CFAP44: variants seen among roughly 807,000 people sequenced by gnomAD.
CFAP44 encodes cilia- and flagella-associated protein 44.
A neutral mutation model predicts 216.2 loss-of-function variants in CFAP44; 134 were observed. The observed-to-expected ratio is 0.62, with a 90% CI of 0.54 to 0.72. The LOEUF (loss-of-function observed/expected upper bound fraction) is 0.72. Ranked by LOEUF, CFAP44 falls within the 30% of genes least tolerant of loss-of-function variation. The pLI, the probability that CFAP44 is intolerant of heterozygous loss-of-function variation, is 0.00. For synonymous variants in CFAP44, 700 were observed against 727.6 expected, an observed-to-expected ratio of 0.96 and a Z score of 0.61; for missense variants, 2,035 against 2,182.1, an observed-to-expected ratio of 0.93 and a Z score of 1.34.
intron 1 of CFAP44, among the ~76,000 whole-genome samples, chr3:113,438,581 G>GA (rs776124894): frequency 6.2e-4 from 95 of 152,292 alleles, no homozygotes; most frequent in South Asian, 1.9e-3. Context: ...ATATATTCCT[G>GA]AATAGATGAA....
chr3:113,294,758 A>G lies in CFAP44; in HGVS notation c.5302T>C (p.Tyr1768His), dbSNP rs1436716282. Residue 1768 changes from tyrosine to histidine, a missense_variant, in exon 34 of 35, where the codon TAT (tyrosine) becomes CAT (histidine). Transcript: ENST00000393845. Reference sequence around the variant, plus strand: ...TCAATACACAAATCATTCATCTGATAAAGCTTTCTGGTGTGTTCTTTTGTC... The same window carrying G: ...TCAATACACAAATCATTCATCTGATGAAGCTTTCTGGTGTGTTCTTTTGTC... Reference protein sequence around the residue: ...MKTKEHTRKLYQMNDLCIEKK... With the variant: ...MKTKEHTRKLHQMNDLCIEKK... 1.1e-5 allele frequency: 17 copies of G among 1,536,500 alleles called. No homozygotes were observed. Among genetic ancestry groups the G allele is most frequent in the Non-Finnish European group, 1.4e-5 (16 of 1,146,560 alleles).
chr3:113,371,094 T>C (rs548936980), intron 18 of CFAP44, among the ~76,000 whole-genome samples: 5 of 152,288 alleles, frequency 3.3e-5, no homozygotes, highest in African/African-American at 1.2e-4. Flanking sequence ...CACAAACAAA[T>C]GGAAGAACAT....
At chr3:113,390,307 C>T (rs918332517) in intron 15 of CFAP44, among the ~76,000 whole-genome samples, 9 of 152,054 alleles carry the variant, frequency 5.9e-5, no homozygotes, top group South Asian at 4.2e-4. Flanking sequence ...CCCATCATGA[C>T]AAAAATTCTC....
rs543655174 is a variant in CFAP44 at position 113,427,559 on chromosome 3, T to C, written c.101-220A>G. The C allele has an allele frequency of 2.3e-5, 10 of 443,860 alleles. 1 individual carries two copies. In the South Asian group the frequency reaches 3.6e-4, roughly 16 times the overall value. The allele number at this position is 443,860 out of a possible 1,614,324, so 27.5% of individuals were successfully genotyped here. On this transcript the variant is annotated intron_variant, in intron 2 of 34. Coordinates refer to ENST00000393845, the MANE Select transcript of CFAP44 (RefSeq NM_001164496.2). ...CTCCATTTTCACTTCATTTTCAGTC[T>C]ATTTCCTATCATTAAATACTTACAA...
In CFAP44 at chr3:113,287,282, TG is replaced by T. The variant is rs1949771656; in HGVS notation, c.*4274del. 1 of 312,354 alleles carries T rather than the reference TG, an allele frequency of 3.2e-6. No individual in the cohort carries two copies. The highest frequency in any genetic ancestry group is 4.5e-5 in the Admixed American group (1 of 22,332). 19.3% of individuals were successfully genotyped at this position (312,354 alleles called of 1,614,324 possible). On this transcript the variant is annotated 3_prime_UTR_variant, in exon 35 of 35. Coordinates refer to ENST00000393845, the MANE Select transcript of CFAP44 (RefSeq NM_001164496.2). The stretch of plus-strand genomic sequence containing the variant: ...GCCTGGAGACACCCACACAGATGGC[TG>T]GATCCGGTGCTACGGGAAACATTTT...
At chr3:113,292,488 G>A (rs575584554) in intron 34 of CFAP44, among the ~76,000 whole-genome samples, 1 of 152,316 alleles carries the variant, frequency 6.6e-6, no homozygotes, top group Admixed American at 6.5e-5. Flanking sequence ...ACATTTGAAT[G>A]CATGAATACA....
At chr3:113,330,102 C>A in intron 26 of CFAP44, 66 bp downstream of exon 26, 3 of 1,440,792 alleles carry the variant, frequency 2.1e-6, no homozygotes, top group South Asian at 3.1e-5. Context: ...AAACAAAAAA[C>A]CCGACCCAAT....
chr3:113,366,086 C>G lies in CFAP44; in HGVS notation c.2668G>C (p.Glu890Gln), dbSNP rs948958329. 6.2e-7 allele frequency: 1 copy of G among 1,613,528 alleles called. No individual in the cohort carries two copies. Among genetic ancestry groups the G allele is most frequent in the African/African-American group, 1.3e-5 (1 of 74,878 alleles). The change falls in exon 19 of 35, where the codon GAA (glutamate) becomes CAA (glutamine). Residue 890 changes from glutamate to glutamine, a missense_variant. By Grantham distance (29) the Glu-to-Gln change is conservative (BLOSUM62 2). Transcript: ENST00000393845. ...TTCATGTCTTTCCTTAGCATAAATT[C>G]AGAAAAAATGTTGAAAACAAAGATA... is the stretch of plus-strand genomic sequence containing the variant. ...GNIFVFNIFS[E>Q]FMLRKDMKAK...
intron 5 of CFAP44, among the ~76,000 whole-genome samples, 200 bp downstream of exon 5, chr3:113,419,817 G>C (rs1377794530): frequency 6.6e-6 from 1 of 152,144 alleles, no homozygotes; most frequent in Non-Finnish European, 1.5e-5. Flanking sequence ...TATTATAATA[G>C]TGCACAGAGG....
At chr3:113,404,139 G>A in intron 8 of CFAP44, 123 bp from the exon 9 acceptor site, 19 of 1,180,850 alleles carry the variant, frequency 1.6e-5, no homozygotes, top group South Asian at 1.3e-4. Context: ...ATTTTTAAAT[G>A]GAAAAATAAA....
At chr3:113,320,380 G>A (rs1950131261) in intron 28 of CFAP44, among the ~76,000 whole-genome samples, 2 of 137,954 alleles carry the variant, frequency 1.4e-5, no homozygotes, top group African/African-American at 5.6e-5. Flanking sequence ...GGGCTGTGGT[G>A]CACAGCTCAA....
At chr3:113,354,529 C>T (rs1042860191) in intron 22 of CFAP44, among the ~76,000 whole-genome samples, 1 of 152,116 alleles carries the variant, frequency 6.6e-6, no homozygotes, top group Non-Finnish European at 1.5e-5. Flanking sequence ...CAGCTTTCCC[C>T]AACTTCCCTG....
At chr3:113,363,077 G>A in intron 21 of CFAP44, 68 bp downstream of exon 21, 1 of 1,433,444 alleles carries the variant, frequency 7.0e-7, no homozygotes, top group South Asian at 1.8e-5. Context: ...CTACTTGTTG[G>A]GAAAATAGTC....
At chr3:113,432,149 A>G (rs928249614) in intron 2 of CFAP44, 3 of 152,204 alleles carry the variant, frequency 2.0e-5, no homozygotes, top group Non-Finnish European at 2.9e-5. Context: ...AAAAGTCCAT[A>G]TAAGACTTAG....
At chr3:113,365,441 C>T (rs73235086) in intron 19 of CFAP44, among the ~76,000 whole-genome samples, 3,632 of 152,172 alleles carry the variant, frequency 0.024, 68 homozygotes, top group African/African-American at 0.046. Context: ...TGACTTTTTC[C>T]AAACAAATTG....
intron 6 of CFAP44, among the ~76,000 whole-genome samples, chr3:113,411,926 T>C (rs1421896033): frequency 7.0e-6 from 1 of 142,342 alleles, no homozygotes; most frequent in Non-Finnish European, 1.6e-5. Context: ...AGTTCACTCA[T>C]GATTTGGCTC....
chr3:113,306,738 A>C (rs1014360366), intron 29 of CFAP44, among the ~76,000 whole-genome samples: 3 of 152,224 alleles, frequency 2.0e-5, no homozygotes, highest in Admixed American at 1.3e-4. Flanking sequence ...TATCACACTA[A>C]GAGCCACCTT....
chr3:113,393,678 G>T (rs887690022), intron 15 of CFAP44, among the ~76,000 whole-genome samples: 2 of 151,640 alleles, frequency 1.3e-5, no homozygotes, highest in Non-Finnish European at 2.9e-5. Flanking sequence ...ACCATACCTG[G>T]CTAATTTTTG....
Position 113,426,112 on chromosome 3 carries a change from C to A in CFAP44, c.407+12G>T, listed in dbSNP as rs1311483017. On this transcript the variant is annotated intron_variant, in intron 4 of 34. Coordinates refer to ENST00000393845, the MANE Select transcript of CFAP44 (RefSeq NM_001164496.2). ...AATCCCAAAATTATACATATTTAGCCAGGGTGGATACACAAGTGTGAGAAG... is the reference window on the plus strand; with the variant it reads ...AATCCCAAAATTATACATATTTAGCAAGGGTGGATACACAAGTGTGAGAAG... 1 of 1,611,680 alleles carries A rather than the reference C, an allele frequency of 6.2e-7. No individual in the cohort carries two copies. Among genetic ancestry groups the A allele is most frequent in the East Asian group, 2.2e-5 (1 of 44,874 alleles).
Sources: allele counts gnomAD v4.1 joint callset (sites outside exome capture counted in the v4.1 genomes callset), GRCh38; gene constraint gnomAD v4.1.1; transcripts MANE v1.5; gene names NCBI Gene and HGNC (gene_info 2026-07-23, HGNC 2026-07-21).